ASCC1: variants seen among roughly 807,000 people sequenced by gnomAD.
ASCC1 encodes ASC-1 complex subunit P50.
ASCC1 carries 35 observed loss-of-function variants against 46.6 expected under a neutral mutation model. The ratio of observed to expected loss-of-function variants is 0.75; its 90% CI spans 0.57 to 0.99. The LOEUF (loss-of-function observed/expected upper bound fraction) is 0.99. Among genes scored for constraint, ASCC1 ranks in the 50% least tolerant of loss-of-function variants. The pLI, the probability that ASCC1 is intolerant of heterozygous loss-of-function variation, is 0.00. For synonymous variants in ASCC1, 143 were observed against 146.6 expected (o/e 0.98, Z 0.18); for missense variants, 376 against 428.7 (o/e 0.88, Z 1.09).
In ASCC1 at chr10:72,172,790, T is replaced by TA; in HGVS notation, c.490-11117_490-11116insT. Among the ~76,000 whole-genome samples, 3 of 135,924 alleles carry TA rather than the reference T, an allele frequency of 2.2e-5. No individual in the cohort carries two copies. In the South Asian group the frequency reaches 6.4e-4, roughly 29 times the overall value. The allele number at this position is 135,924 out of a possible 152,430, so 89.2% of individuals were successfully genotyped here. On this transcript the variant is annotated intron_variant, in intron 5 of 9. Coordinates refer to ENST00000672957, the MANE Select transcript of ASCC1 (RefSeq NM_001198800.3). ...TATATTATATTTTTTATATTATATA[T>TA]TATATATTATATTTTTATATTATAT...
chr10:72,107,729 ATGC>A (rs1409327891), intron 9 of ASCC1, among the ~76,000 whole-genome samples: 5 of 152,226 alleles, frequency 3.3e-5, no homozygotes, highest in African/African-American at 1.2e-4. Context: ...GACGTTTTTA[ATGC>A]TTTCCTATTG....
chr10:72,117,220 A>T (rs1235404567), intron 9 of ASCC1, among the ~76,000 whole-genome samples: 4 of 152,248 alleles, frequency 2.6e-5, no homozygotes, highest in Non-Finnish European at 5.9e-5. Flanking sequence ...TATGAGTTTT[A>T]TAAGTCTGTT....
At chr10:72,210,629 T>C (rs1857939066) in intron 3 of ASCC1, 103 bp downstream of exon 3, 2 of 843,520 alleles carry the variant, frequency 2.4e-6, no homozygotes, top group East Asian at 2.6e-5. Context: ...TATTTTATCA[T>C]TAGTAATCAA....
At position 72,216,227 on chromosome 10, in the gene ASCC1, G is replaced by A. The variant is rs982759036; in HGVS notation, c.-54C>T. On this transcript the variant is annotated 5_prime_UTR_variant, in exon 1 of 10. Coordinates refer to ENST00000672957, the MANE Select transcript of ASCC1 (RefSeq NM_001198800.3). The stretch of plus-strand genomic sequence containing the variant: ...CCTACCTGCAGGGACTAGAAAAATG[G>A]AGAAGGTAGGAGGAGAAACAGGAGA... 11 of 155,780 alleles carry A rather than the reference G, an allele frequency of 7.1e-5. No individual in the cohort carries two copies. The highest frequency in any genetic ancestry group is 2.7e-4 in the African/African-American group (11 of 41,468). 9.6% of individuals were successfully genotyped at this position (155,780 alleles called of 1,614,324 possible).
chr10:72,111,832 C>T (rs987663839), intron 9 of ASCC1, among the ~76,000 whole-genome samples: 2 of 151,936 alleles, frequency 1.3e-5, no homozygotes, highest in Non-Finnish European at 2.9e-5. Context: ...TTAGTAGAGA[C>T]GGGGTTTCAC....
intron 4 of ASCC1, among the ~76,000 whole-genome samples, chr10:72,199,737 G>GT (rs1176253351): frequency 1.3e-5 from 2 of 151,788 alleles, no homozygotes; most frequent in African/African-American, 4.8e-5. Flanking sequence ...TTTGTTTTCT[G>GT]TTTTTTTGTT....
rs1312611462 is a variant in ASCC1 at position 72,157,831 on chromosome 10, G to C, written c.626+3707C>G. ...TATCAGACAAGAACTATACTAAGTG[G>C]TGTATTTCTTTTTGTAATTTAGTTC... On this transcript the variant is annotated intron_variant, in intron 6 of 9. Transcript: ENST00000672957. 2.0e-5 allele frequency among the ~76,000 whole-genome samples: 3 copies of C among 152,252 alleles called. No individual in the cohort carries two copies. The East Asian group carries it at 5.8e-4, about 29-fold the overall frequency.
At chr10:72,181,542 T>G (rs552876953) in intron 5 of ASCC1, among the ~76,000 whole-genome samples, 1 of 152,190 alleles carries the variant, frequency 6.6e-6, no homozygotes, top group South Asian at 2.1e-4. Flanking sequence ...AACAAAAATT[T>G]TGAACAATAA....
rs545802840 is a variant in ASCC1 at position 72,121,866 on chromosome 10, T to C, written c.957+6216A>G. Among the ~76,000 whole-genome samples the C allele has an allele frequency of 3.3e-5, 5 of 152,330 alleles. No homozygotes were observed. The East Asian group carries it at 5.8e-4, about 18-fold the overall frequency. On this transcript the variant is annotated intron_variant, in intron 9 of 9. Coordinates refer to ENST00000672957, the MANE Select transcript of ASCC1 (RefSeq NM_001198800.3). ...AGAAGGCATAAAATCAGTGAGGATATAGTAGAACTCAACAGCACTACCAAC... is the reference window on the plus strand; with the variant it reads ...AGAAGGCATAAAATCAGTGAGGATACAGTAGAACTCAACAGCACTACCAAC...
At chr10:72,145,346 T>G (rs1847506586) in intron 7 of ASCC1, among the ~76,000 whole-genome samples, 2 of 152,246 alleles carry the variant, frequency 1.3e-5, no homozygotes, top group South Asian at 4.1e-4. Flanking sequence ...TCTCCATCTG[T>G]ATCACTCTCC....
chr10:72,189,117 T>C (rs1329117308), intron 5 of ASCC1, among the ~76,000 whole-genome samples: 2 of 151,838 alleles, frequency 1.3e-5, no homozygotes, highest in African/African-American at 4.8e-5. Flanking sequence ...TTGGAGAAGT[T>C]AGGCCAGGCG....
rs112217285 is a variant in ASCC1, at chr10:72,115,916, G to C, written c.957+12166C>G. 9.8e-4 allele frequency among the ~76,000 whole-genome samples: 149 copies of C among 152,270 alleles called. 2 individuals carry two copies. Among genetic ancestry groups the C allele is most frequent in the African/African-American group, 3.5e-3 (145 of 41,546 alleles). On this transcript the variant is annotated intron_variant, in intron 9 of 9. Transcript: ENST00000672957. ...TAATATGAAACACTCTAATAAGAAA[G>C]TTGTTCTTTATACCAATTAAATTCT...
At chr10:72,143,361 C>T (rs542584135) in intron 7 of ASCC1, among the ~76,000 whole-genome samples, 2 of 151,790 alleles carry the variant, frequency 1.3e-5, no homozygotes, top group South Asian at 4.2e-4. Flanking sequence ...TTACTAAACT[C>T]CCTTTTTGTT....
intron 9 of ASCC1, among the ~76,000 whole-genome samples, chr10:72,124,580 C>T (rs1844615685): frequency 6.6e-6 from 1 of 152,184 alleles, no homozygotes; most frequent in Non-Finnish European, 1.5e-5. Context: ...ACTGTCATTA[C>T]CTCTCTCCCC....
At chr10:72,195,979 T>C (rs1855363943) in intron 5 of ASCC1, among the ~76,000 whole-genome samples, 1 of 152,220 alleles carries the variant, frequency 6.6e-6, no homozygotes, top group South Asian at 2.1e-4. Context: ...ATAATAAACA[T>C]ATTGCTTTCA....
intron 5 of ASCC1, among the ~76,000 whole-genome samples, chr10:72,192,377 G>A (rs1015582960): frequency 2.0e-5 from 3 of 151,272 alleles, no homozygotes; most frequent in African/African-American, 4.9e-5. Flanking sequence ...ATCGCTTGAA[G>A]CCAGGAGGCG....
At chr10:72,182,684 T>C (rs1481763295) in intron 5 of ASCC1, among the ~76,000 whole-genome samples, 2 of 151,808 alleles carry the variant, frequency 1.3e-5, no homozygotes, top group African/African-American at 4.8e-5. Flanking sequence ...TGAAGAGACA[T>C]AAAAACTTAA....
intron 7 of ASCC1, among the ~76,000 whole-genome samples, chr10:72,141,036 TATAGATAGATAGATAGATAGATAGATAG>T (rs10655614): frequency 2.8e-5 from 4 of 144,172 alleles, no homozygotes; most frequent in African/African-American, 7.8e-5. Context: ...TCAAATTGTT[TATAGATAGATAGATAGATAGATAGATAG>T]ATAGATAGAT....
intron 6 of ASCC1, among the ~76,000 whole-genome samples, chr10:72,155,300 A>G (rs1848824793): frequency 6.6e-6 from 1 of 152,210 alleles, no homozygotes; most frequent in Non-Finnish European, 1.5e-5. Flanking sequence ...TCCAAAATAA[A>G]CCAAACACAA....
Sources: allele counts gnomAD v4.1 joint callset (sites outside exome capture counted in the v4.1 genomes callset), GRCh38; gene constraint gnomAD v4.1.1; transcripts MANE v1.5; gene names NCBI Gene and HGNC (gene_info 2026-07-23, HGNC 2026-07-21).